The following CNTN1 variants were observed in gnomAD, a reference collection of about 807,000 sequenced individuals.
CNTN1 encodes contactin-1.
In CNTN1, 38 loss-of-function variants were observed where a neutral mutation model predicts 126.4. That is an observed-to-expected ratio of 0.30 (90% CI 0.23 to 0.39). The LOEUF (loss-of-function observed/expected upper bound fraction) is 0.39, where lower values mean the gene tolerates loss of function less well. Among genes scored for constraint, CNTN1 ranks in the 10% least tolerant of loss-of-function variants. CNTN1 has a pLI of 1.00. For missense variants in CNTN1, 1,009 were observed against 1,248.4 expected (o/e 0.81, Z 2.89); for synonymous variants, 413 against 422.6 (o/e 0.98, Z 0.28).
chr12:41,046,933 A>G (rs1949554126), intron 23 of CNTN1, among the ~76,000 whole-genome samples: 2 of 141,086 alleles, frequency 1.4e-5, no homozygotes, highest in South Asian at 4.4e-4. Context: ...CACGGTTCAT[A>G]TTGAAAACAA....
intron 1 of CNTN1, among the ~76,000 whole-genome samples, chr12:40,716,258 C>T (rs1038256927): frequency 4.0e-5 from 6 of 151,466 alleles, no homozygotes; most frequent in African/African-American, 1.2e-4. Context: ...TTTTCTTCTT[C>T]CCTTCCTTCC....
At chr12:40,927,565 C>T (rs1417771526) in intron 6 of CNTN1, among the ~76,000 whole-genome samples, 1 of 152,038 alleles carries the variant, frequency 6.6e-6, no homozygotes, top group Non-Finnish European at 1.5e-5. Context: ...CCATTCCTAC[C>T]TTTGTTGTAA....
chr12:40,920,799 A>G (rs747500748), intron 4 of CNTN1, among the ~76,000 whole-genome samples: 1 of 152,192 alleles, frequency 6.6e-6, no homozygotes, highest in Non-Finnish European at 1.5e-5. Flanking sequence ...TTACAATAAA[A>G]AAGTATTAAA....
intron 3 of CNTN1, among the ~76,000 whole-genome samples, chr12:40,916,037 G>A (rs199836850): frequency 9.9e-5 from 15 of 151,968 alleles, no homozygotes; most frequent in African/African-American, 2.4e-4. Flanking sequence ...TAGGCTTGTC[G>A]CATAAATATC....
Position 40,943,684 on chromosome 12 carries a change from C to G in CNTN1, c.1467C>G (p.Asn489Lys). The G allele has an allele frequency of 6.2e-7, 1 of 1,612,526 alleles. No individual in the cohort carries two copies. Among genetic ancestry groups the G allele is most frequent in the Non-Finnish European group, 8.5e-7 (1 of 1,179,038 alleles). Residue 489 changes from asparagine (N) to lysine (K), a missense_variant, in exon 13 of 24, where the codon AAC becomes AAG. By Grantham distance (94) the Asn-to-Lys change is moderately conservative. Transcript: ENST00000551295. ...GGIYTCFAEN[N>K]RGKANSTGTL... ...TCTATACATGCTTTGCAGAAAATAA[C>G]AGAGGGAAAGCTAATAGCACTGGAA... is the stretch of plus-strand genomic sequence containing the variant.
intron 15 of CNTN1, among the ~76,000 whole-genome samples, chr12:40,976,726 A>T (rs1317651277): frequency 6.6e-6 from 1 of 152,118 alleles, no homozygotes; most frequent in Non-Finnish European, 1.5e-5. Context: ...CAAAAAAAAT[A>T]AGCAAGTAAC....
At chr12:40,897,182 A>G (rs772293389) in intron 1 of CNTN1, among the ~76,000 whole-genome samples, 4 of 152,212 alleles carry the variant, frequency 2.6e-5, no homozygotes, top group Non-Finnish European at 5.9e-5. Flanking sequence ...GTCAGAGAGT[A>G]TAGTAAGAGA....
At chr12:40,700,276 C>T (rs969903399) in intron 1 of CNTN1, among the ~76,000 whole-genome samples, 1 of 151,766 alleles carries the variant, frequency 6.6e-6, no homozygotes, top group Admixed American at 6.6e-5. Flanking sequence ...GCCTGTAATC[C>T]CAGCACTTTG....
At chr12:40,742,128 A>G (rs1937969620) in intron 1 of CNTN1, among the ~76,000 whole-genome samples, 1 of 152,068 alleles carries the variant, frequency 6.6e-6, no homozygotes, top group Admixed American at 6.6e-5. Context: ...TTTGGCCTAA[A>G]GTACTTAAAA....
chr12:40,864,285 G>T (rs1476012495), intron 1 of CNTN1, among the ~76,000 whole-genome samples: 4 of 151,864 alleles, frequency 2.6e-5, no homozygotes, highest in South Asian at 2.1e-4. Flanking sequence ...CTCTCAAAGT[G>T]CTGGGATTAC....
At chr12:40,882,486 C>A (rs1412745419) in intron 1 of CNTN1, among the ~76,000 whole-genome samples, 1 of 151,574 alleles carries the variant, frequency 6.6e-6, no homozygotes, top group Non-Finnish European at 1.5e-5. Flanking sequence ...ACTCACTCTC[C>A]CAGAGAGTTC....
At chr12:40,892,412 A>G (rs960376829) in intron 1 of CNTN1, among the ~76,000 whole-genome samples, 1 of 152,106 alleles carries the variant, frequency 6.6e-6, no homozygotes, top group African/African-American at 2.4e-5. Flanking sequence ...TAAGAAAAAC[A>G]CTAAATCCCA....
intron 16 of CNTN1, among the ~76,000 whole-genome samples, chr12:40,985,935 A>T (rs1401262919): frequency 6.6e-6 from 1 of 151,920 alleles, no homozygotes; most frequent in Non-Finnish European, 1.5e-5. Context: ...ATAATGGCTA[A>T]TTTCCTCTCT....
intron 1 of CNTN1, among the ~76,000 whole-genome samples, chr12:40,786,688 G>C (rs890314978): frequency 6.6e-6 from 1 of 152,090 alleles, no homozygotes. Flanking sequence ...AATGCAGGAC[G>C]TCAACAATAA....
intron 1 of CNTN1, among the ~76,000 whole-genome samples, chr12:40,773,899 T>C (rs1264203131): frequency 6.6e-6 from 1 of 151,360 alleles, no homozygotes; most frequent in East Asian, 1.9e-4. Context: ...GACACAGAAC[T>C]CCAGATATGA....
At chr12:40,972,282 A>G (rs1947539375) in intron 15 of CNTN1, 1 of 985,190 alleles carries the variant, frequency 1.0e-6, no homozygotes, top group Non-Finnish European at 1.2e-6. Context: ...GGACTTGAGT[A>G]GAAGTGGATG....
intron 1 of CNTN1, among the ~76,000 whole-genome samples, chr12:40,712,596 C>G (rs749989444): frequency 1.6e-4 from 24 of 152,044 alleles, no homozygotes; most frequent in Non-Finnish European, 2.6e-4. Context: ...CAACCAACCC[C>G]ATAGCCTAAC....
chr12:40,853,586 A>G (rs1942796490), intron 1 of CNTN1, among the ~76,000 whole-genome samples: 1 of 152,128 alleles, frequency 6.6e-6, no homozygotes, highest in Non-Finnish European at 1.5e-5. Context: ...AACACCCACT[A>G]TCTGTAAGAC....
chr12:40,775,117 G>A (rs759962423), intron 1 of CNTN1, among the ~76,000 whole-genome samples: 1 of 150,636 alleles, frequency 6.6e-6, no homozygotes, highest in East Asian at 1.9e-4. Context: ...CTATATTTTT[G>A]TACCCATTAA....
Sources: allele counts gnomAD v4.1 joint callset (sites outside exome capture counted in the v4.1 genomes callset), GRCh38; gene constraint gnomAD v4.1.1; transcripts MANE v1.5; gene names NCBI Gene and HGNC (gene_info 2026-07-23, HGNC 2026-07-21).